YAP1: variants seen among roughly 807,000 people sequenced by gnomAD.
YAP1 encodes transcriptional coactivator YAP1.
YAP1 carries 5 observed loss-of-function variants against 56.9 expected under a neutral mutation model. The observed-to-expected ratio is 0.09, with a 90% confidence interval of 0.05 to 0.18. The LOEUF (loss-of-function observed/expected upper bound fraction) is 0.18, where lower values mean the gene tolerates loss of function less well. Ranked by LOEUF, YAP1 falls within the 10% of genes least tolerant of loss-of-function variation. The pLI, the probability that YAP1 is intolerant of heterozygous loss-of-function variation, is 1.00. For missense variants in YAP1, 539 were observed against 651.8 expected (o/e 0.83, Z 1.88); for synonymous variants, 265 against 248.1 (o/e 1.07, Z -0.64).
chr11:102,120,779 G>C lies in YAP1; in HGVS notation c.572+6385G>C, dbSNP rs373927975. Among the ~76,000 whole-genome samples, 25 of 152,340 alleles carry C rather than the reference G, an allele frequency of 1.6e-4. No individual in the cohort carries two copies. In the South Asian group the frequency reaches 2.5e-3, roughly 15 times the overall value. ...GAAAATTGCTGCAGATTTGATTTGG[G>C]ATTTGGAGTAAAGATAGTGTGCTTG... is the stretch of plus-strand genomic sequence containing the variant. On this transcript the variant is annotated intron_variant, in intron 2 of 8. Transcript: ENST00000282441.
At chr11:102,124,056 A>G (rs1024527504) in intron 2 of YAP1, among the ~76,000 whole-genome samples, 262 of 151,612 alleles carry the variant, frequency 1.7e-3, no homozygotes, top group Non-Finnish European at 2.6e-3. Flanking sequence ...GGTTCAAGCG[A>G]TTCTCCTGCC....
chr11:102,164,382 T>C (rs1354131062), intron 3 of YAP1, among the ~76,000 whole-genome samples: 1 of 152,220 alleles, frequency 6.6e-6, no homozygotes, highest in African/African-American at 2.4e-5. Context: ...TTAATATTTT[T>C]ACTTGGCAAC....
intron 1 of YAP1, chr11:102,112,829 C>A: frequency 1.1e-6 from 1 of 944,818 alleles, no homozygotes; most frequent in Non-Finnish European, 1.3e-6. Flanking sequence ...CTACAGACTG[C>A]ACGGTATGTT....
At chr11:102,216,500 T>G (rs1949675471) in intron 6 of YAP1, among the ~76,000 whole-genome samples, 1 of 152,204 alleles carries the variant, frequency 6.6e-6, no homozygotes. Flanking sequence ...TTCAATAATG[T>G]AATTTTATCA....
intron 2 of YAP1, among the ~76,000 whole-genome samples, chr11:102,117,380 T>C (rs1172732240): frequency 1.3e-5 from 2 of 152,260 alleles, no homozygotes; most frequent in African/African-American, 2.4e-5. Context: ...TTGTTGGAAC[T>C]GACTTTTAAG....
chr11:102,172,628 C>T (rs1206256084), intron 3 of YAP1, among the ~76,000 whole-genome samples: 1 of 151,900 alleles, frequency 6.6e-6, no homozygotes, highest in East Asian at 1.9e-4. Context: ...ATTTCTTTAT[C>T]CAAATATTGA....
intron 3 of YAP1, among the ~76,000 whole-genome samples, chr11:102,169,412 A>C (rs927235267): frequency 1.3e-5 from 2 of 152,152 alleles, no homozygotes; most frequent in Non-Finnish European, 2.9e-5. Flanking sequence ...TGGCTCTTCC[A>C]AGTAGTTGGT....
chr11:102,218,598 T>C (rs1308700357), intron 6 of YAP1, among the ~76,000 whole-genome samples: 2 of 152,328 alleles, frequency 1.3e-5, no homozygotes, highest in East Asian at 3.9e-4. Flanking sequence ...CTGCCACCAG[T>C]AAGTAAAGTG....
intron 2 of YAP1, among the ~76,000 whole-genome samples, chr11:102,133,986 A>G (rs1032102965): frequency 1.3e-5 from 2 of 152,096 alleles, no homozygotes; most frequent in African/African-American, 4.8e-5. Flanking sequence ...ATTTTTTTGT[A>G]AGGGAACTGA....
At position 102,230,513 on chromosome 11, in the gene YAP1, T is replaced by A. The variant is rs1156862505; in HGVS notation, c.*573T>A. The A allele has an allele frequency of 6.5e-6, 1 of 153,066 alleles. No individual in the cohort carries two copies. Among genetic ancestry groups the A allele is most frequent in the African/African-American group, 2.4e-5 (1 of 41,466 alleles). 9.5% of individuals were successfully genotyped at this position (153,066 alleles called of 1,614,324 possible). On this transcript the variant is annotated 3_prime_UTR_variant, in exon 9 of 9. Transcript: ENST00000282441. ...TTTCTTTTCCTCCTAGTGCTATCAT[T>A]AGTCACATAATGACCTTGATTTTAT... is the stretch of plus-strand genomic sequence containing the variant.
At chr11:102,122,833 G>A (rs1943746128) in intron 2 of YAP1, among the ~76,000 whole-genome samples, 1 of 138,056 alleles carries the variant, frequency 7.2e-6, no homozygotes, top group South Asian at 2.3e-4. Flanking sequence ...GGTGGAGGTT[G>A]CAGCAGTGAA....
At chr11:102,112,950 T>C (rs1424040210) in intron 1 of YAP1, among the ~76,000 whole-genome samples, 2 of 152,232 alleles carry the variant, frequency 1.3e-5, no homozygotes, top group Non-Finnish European at 2.9e-5. Flanking sequence ...TACAAGAATT[T>C]ATATCCAGCA....
chr11:102,223,253 CAA>C (rs1013718662), intron 6 of YAP1, among the ~76,000 whole-genome samples: 550 of 52,416 alleles, frequency 0.01, 2 homozygotes, highest in African/African-American at 0.033. Context: ...TCTTGAAGAA[CAA>C]AAAAAAAAAA....
intron 4 of YAP1, among the ~76,000 whole-genome samples, chr11:102,189,305 A>G (rs1281323372): frequency 6.6e-6 from 1 of 152,190 alleles, no homozygotes; most frequent in Non-Finnish European, 1.5e-5. Context: ...TAAAAGGCCT[A>G]ATGAAAACAC....
At position 102,223,692 on chromosome 11, in the gene YAP1, C is replaced by T; in HGVS notation, c.1103C>T (p.Pro368Leu). Residue 368 changes from proline (P) to leucine (L), a missense_variant, in exon 7 of 9, where the codon CCC becomes CTC. Transcript: ENST00000282441. ...GGGACTCAAAATCCAGTGTCTTCTC[C>T]CGGGATGTCTCAGGAATTGAGAACA... ...DGGTQNPVSS[P>L]GMSQELRTMT... The T allele has an allele frequency of 1.2e-6, 2 of 1,614,106 alleles. No homozygotes were observed. Among genetic ancestry groups the T allele is most frequent in the South Asian group, 2.2e-5 (2 of 91,072 alleles).
At chr11:102,125,328 T>C (rs1943964524) in intron 2 of YAP1, among the ~76,000 whole-genome samples, 3 of 151,766 alleles carry the variant, frequency 2.0e-5, no homozygotes, top group Admixed American at 6.6e-5. Flanking sequence ...GGCCTGATTT[T>C]CTTTTTTCCC....
At position 102,110,658 on chromosome 11, in the gene YAP1, A is replaced by G. The variant is rs1048935372; in HGVS notation, c.-191A>G. The G allele has an allele frequency of 1.2e-5, 4 of 324,056 alleles. No individual in the cohort carries two copies. The highest frequency in any genetic ancestry group is 1.4e-4 in the South Asian group (1 of 7,190). 20.1% of individuals were successfully genotyped at this position (324,056 alleles called of 1,614,324 possible). ...CGCCAGACCAGTGGAGCCGGGGCGC[A>G]GGGCGGGGGCGGAGGCGCCGGGGCG... On this transcript the variant is annotated 5_prime_UTR_variant, in exon 1 of 9. Coordinates refer to ENST00000282441, the MANE Select transcript of YAP1 (RefSeq NM_001130145.3).
intron 2 of YAP1, among the ~76,000 whole-genome samples, chr11:102,136,054 T>C (rs1269285160): frequency 6.6e-6 from 1 of 152,178 alleles, no homozygotes; most frequent in African/African-American, 2.4e-5. Context: ...CATAAGAACT[T>C]TTCTAGGCTG....
intron 2 of YAP1, among the ~76,000 whole-genome samples, chr11:102,154,335 C>T (rs1015977690): frequency 2.0e-5 from 3 of 152,006 alleles, no homozygotes; most frequent in Non-Finnish European, 4.4e-5. Flanking sequence ...ATGTTAAATC[C>T]AGAGGAGACA....
Sources: gnomAD v4.1 joint callset for allele counts (sites outside exome capture counted in the v4.1 genomes callset) on GRCh38, gnomAD v4.1.1 for gene constraint, MANE v1.5 for transcripts, NCBI Gene and HGNC (gene_info 2026-07-23, HGNC 2026-07-21) for gene names.